Variants in PIP5K1B observed in about 807,000 individuals in gnomAD.
The protein encoded by PIP5K1B is phosphatidylinositol 4-phosphate 5-kinase type-1 beta.
PIP5K1B carries 42 observed loss-of-function variants against 67.0 expected under a neutral mutation model. The observed-to-expected ratio is 0.63, with a 90% CI of 0.49 to 0.81. The LOEUF (loss-of-function observed/expected upper bound fraction) is 0.81, where lower values mean the gene tolerates loss of function less well. Among genes scored for constraint, PIP5K1B ranks in the 30% least tolerant of loss-of-function variants. The pLI, the probability that PIP5K1B is intolerant of heterozygous loss-of-function variation, is 0.00. For missense variants in PIP5K1B, 459 were observed against 646.3 expected (o/e 0.71, Z 3.14); for synonymous variants, 214 against 231.4 (o/e 0.92, Z 0.68).
intron 14 of PIP5K1B, among the ~76,000 whole-genome samples, chr9:68,986,012 G>A (rs935488446): frequency 5.9e-5 from 9 of 152,162 alleles, no homozygotes; most frequent in South Asian, 2.1e-4. Context: ...GTTGGTGGAC[G>A]TTTGAGTTGT....
At chr9:68,880,497 G>A (rs531838642) in intron 6 of PIP5K1B, among the ~76,000 whole-genome samples, 1 of 152,006 alleles carries the variant, frequency 6.6e-6, no homozygotes, top group African/African-American at 2.4e-5. Flanking sequence ...AAAGGTTGCA[G>A]TGAGTTAAGA....
chr9:68,938,718 T>C (rs1190441398), intron 13 of PIP5K1B, among the ~76,000 whole-genome samples: 48 of 152,214 alleles, frequency 3.2e-4, no homozygotes, highest in Non-Finnish European at 1.5e-5. Context: ...TCATTCATGT[T>C]GTCGGCAGAA....
intron 4 of PIP5K1B, among the ~76,000 whole-genome samples, chr9:68,828,328 GC>G (rs1403673103): frequency 6.6e-6 from 1 of 152,212 alleles, no homozygotes; most frequent in African/African-American, 2.4e-5. Flanking sequence ...CCGAGGCCTC[GC>G]CTACAGTGTG....
At chr9:68,979,389 C>T (rs1216944938) in intron 14 of PIP5K1B, among the ~76,000 whole-genome samples, 1 of 152,204 alleles carries the variant, frequency 6.6e-6, no homozygotes, top group Admixed American at 6.5e-5. Context: ...ACGATGCCTG[C>T]TAGCTTTACA....
rs575308402 is a variant in PIP5K1B, at chr9:68,919,506, T to C, written c.1011T>C (p.His337=). ...TGGGAGGCATTCCAGCTAAAAGCCA[T>C]AGGGGAGAAAAACTACTTTTATTTA... ...DTMGGIPAKS[H]RGEKLLLFMG... is the part of the protein sequence containing the mutation. The change falls in exon 10 of 16, where the codon CAT becomes CAC. Residue 337 remains histidine, a synonymous_variant. Transcript: ENST00000265382. The C allele has an allele frequency of 4.4e-6, 7 of 1,596,696 alleles. No homozygotes were observed. The highest frequency in any genetic ancestry group is 1.7e-4 in the Middle Eastern group (1 of 6,030).
At chr9:68,824,638 G>A (rs1398981933) in intron 4 of PIP5K1B, among the ~76,000 whole-genome samples, 1 of 152,118 alleles carries the variant, frequency 6.6e-6, no homozygotes, top group Non-Finnish European at 1.5e-5. Flanking sequence ...CTCTTAAAAA[G>A]CACCAAGAAG....
Position 68,834,386 on chromosome 9 carries a change from C to A in PIP5K1B, c.69+11703C>A, listed in dbSNP as rs571314927. ...CCTCCCAGGCAGTGGCTGTCAGTCACCCTCCCCAGCCTCCCTCAGCACCCT... is the reference window on the plus strand; with the variant it reads ...CCTCCCAGGCAGTGGCTGTCAGTCAACCTCCCCAGCCTCCCTCAGCACCCT... On this transcript the variant is annotated intron_variant, in intron 4 of 15. Transcript: ENST00000265382. Among the ~76,000 whole-genome samples the A allele has an allele frequency of 3.9e-5, 6 of 152,324 alleles. No individual in the cohort carries two copies. In the East Asian group the frequency reaches 1.2e-3, roughly 29 times the overall value.
intron 2 of PIP5K1B, chr9:68,784,102 T>C (rs1175100582): frequency 6.0e-6 from 1 of 167,132 alleles, no homozygotes; most frequent in Non-Finnish European, 1.5e-5. Flanking sequence ...TATTCTTCTA[T>C]ATAGATGGGA....
Position 68,976,376 on chromosome 9 carries a change from A to G in PIP5K1B, c.1503-14764A>G, listed in dbSNP as rs1230428203. On this transcript the variant is annotated intron_variant, in intron 14 of 15. Coordinates refer to ENST00000265382, the MANE Select transcript of PIP5K1B (RefSeq NM_003558.4). ...AACTTTTGGAAGCTAGCAAGACCTGATCAAATCCAAACTCCTGATTTTTAC... is the reference window on the plus strand; with the variant it reads ...AACTTTTGGAAGCTAGCAAGACCTGGTCAAATCCAAACTCCTGATTTTTAC... Among the ~76,000 whole-genome samples, 12 of 152,344 alleles carry G rather than the reference A, an allele frequency of 7.9e-5. No homozygotes were observed. In the South Asian group the frequency reaches 1.9e-3, roughly 24 times the overall value.
intron 8 of PIP5K1B, among the ~76,000 whole-genome samples, chr9:68,906,688 C>T (rs1319581563): frequency 3.3e-5 from 5 of 152,190 alleles, no homozygotes; most frequent in South Asian, 4.1e-4. Flanking sequence ...TTCTACATCT[C>T]GTTAACTTCC....
At chr9:68,982,376 A>T (rs1028187724) in intron 14 of PIP5K1B, among the ~76,000 whole-genome samples, 5 of 152,264 alleles carry the variant, frequency 3.3e-5, no homozygotes, top group African/African-American at 1.2e-4. Context: ...GACAAAAGCA[A>T]GAATACTTCC....
intron 2 of PIP5K1B, among the ~76,000 whole-genome samples, chr9:68,744,025 G>T (rs796430390): frequency 6.6e-5 from 10 of 152,296 alleles, no homozygotes; most frequent in African/African-American, 2.4e-4. Context: ...TGGTGATAGG[G>T]ATTCCTTCCT....
intron 14 of PIP5K1B, among the ~76,000 whole-genome samples, chr9:68,951,203 T>C (rs952647129): frequency 2.0e-5 from 3 of 152,228 alleles, no homozygotes; most frequent in Non-Finnish European, 4.4e-5. Context: ...CAGCCAGCCC[T>C]ATTAAAAATT....
At chr9:68,976,118 C>A (rs1456207397) in intron 14 of PIP5K1B, among the ~76,000 whole-genome samples, 1 of 152,146 alleles carries the variant, frequency 6.6e-6, no homozygotes, top group Non-Finnish European at 1.5e-5. Context: ...ATAGAGATTG[C>A]AGAGTATCTG....
At chr9:68,712,154 C>A (rs1827422788) in intron 1 of PIP5K1B, among the ~76,000 whole-genome samples, 1 of 152,180 alleles carries the variant, frequency 6.6e-6, no homozygotes, top group Non-Finnish European at 1.5e-5. Flanking sequence ...TGAGCTCTTG[C>A]TCTATGAGTT....
intron 2 of PIP5K1B, among the ~76,000 whole-genome samples, chr9:68,744,310 A>G (rs559744576): frequency 2.0e-5 from 3 of 152,222 alleles, no homozygotes; most frequent in Non-Finnish European, 2.9e-5. Flanking sequence ...AATAGGTTTC[A>G]TGGGAGGCCA....
At chr9:68,904,571 AT>A (rs1377093353) in intron 8 of PIP5K1B, among the ~76,000 whole-genome samples, 1 of 152,214 alleles carries the variant, frequency 6.6e-6, no homozygotes, top group African/African-American at 2.4e-5. Context: ...TGCACACGAA[AT>A]CCTATTAAGT....
intron 2 of PIP5K1B, among the ~76,000 whole-genome samples, chr9:68,761,848 C>G (rs1015147698): frequency 6.6e-6 from 1 of 152,078 alleles, no homozygotes; most frequent in African/African-American, 2.4e-5. Flanking sequence ...GCCTTAATTC[C>G]CCTTGCCGTG....
chr9:68,889,911 T>C (rs1161363404), intron 7 of PIP5K1B, among the ~76,000 whole-genome samples: 1 of 152,202 alleles, frequency 6.6e-6, no homozygotes, highest in Admixed American at 6.5e-5. Flanking sequence ...GCTTACTACA[T>C]GTTAAGCAAG....
Sources: allele counts gnomAD v4.1 joint callset (sites outside exome capture counted in the v4.1 genomes callset), GRCh38; gene constraint gnomAD v4.1.1; transcripts MANE v1.5; gene names NCBI Gene and HGNC (gene_info 2026-07-23, HGNC 2026-07-21).